The following RBFOX1 variants were observed in gnomAD, a reference collection of about 807,000 sequenced individuals.
The protein encoded by RBFOX1 is RNA binding fox-1 homolog 1.
In RBFOX1, 8 loss-of-function variants were observed where a neutral mutation model predicts 57.7. The ratio of observed to expected loss-of-function variants is 0.14; its 90% CI spans 0.08 to 0.25. The LOEUF is 0.25. Among genes scored for constraint, RBFOX1 ranks in the 10% least tolerant of loss-of-function variants. The pLI, the probability that RBFOX1 is intolerant of heterozygous loss-of-function variation, is 1.00. For synonymous variants in RBFOX1, 326 were observed against 222.4 expected (o/e 1.47, Z -4.15); for missense variants, 611 against 548.5 (o/e 1.11, Z -1.14).
intron 1 of RBFOX1, among the ~76,000 whole-genome samples, chr16:5,252,416 G>A (rs1161920670): frequency 4.6e-5 from 7 of 152,172 alleles, no homozygotes; most frequent in African/African-American, 1.7e-4. Context: ...AGTTTAACTG[G>A]CATCCTGTCT....
At chr16:5,629,359 A>G (rs181548191) in intron 3 of RBFOX1, among the ~76,000 whole-genome samples, 1 of 152,344 alleles carries the variant, frequency 6.6e-6, no homozygotes, top group Non-Finnish European at 1.5e-5. Flanking sequence ...AGACCCAGCT[A>G]TAAACCCACA....
chr16:6,883,038 G>T lies in RBFOX1; in HGVS notation c.-15-169019G>T. Among the ~76,000 whole-genome samples, 2 of 152,112 alleles carry T rather than the reference G, an allele frequency of 1.3e-5. 1 individual carries two copies. Among genetic ancestry groups the T allele is most frequent in the Non-Finnish European group, 2.9e-5 (2 of 68,034 alleles). ...TGCAGATATTCTAGATAACCCATAT[G>T]TCTCCTGACATTGCTGTATTCATAG... is the stretch of plus-strand genomic sequence containing the variant. On this transcript the variant is annotated intron_variant, in intron 3 of 15. Transcript: ENST00000550418.
At chr16:5,625,322 C>T (rs759971858) in intron 3 of RBFOX1, among the ~76,000 whole-genome samples, 1 of 151,964 alleles carries the variant, frequency 6.6e-6, no homozygotes, top group Non-Finnish European at 1.5e-5. Context: ...GGGTGGTCCC[C>T]AGCTGTCAGG....
chr16:5,623,388 C>T (rs1222495253), intron 3 of RBFOX1, among the ~76,000 whole-genome samples: 5 of 152,112 alleles, frequency 3.3e-5, no homozygotes, highest in Admixed American at 1.3e-4. Flanking sequence ...CTGCACTGAA[C>T]AAAACAAAAC....
chr16:6,857,342 G>C (rs1022060346), intron 3 of RBFOX1, among the ~76,000 whole-genome samples: 50 of 152,258 alleles, frequency 3.3e-4, no homozygotes, highest in African/African-American at 1.2e-3. Flanking sequence ...AGATGTATGG[G>C]TAGCATCTAA....
At chr16:5,645,328 G>A (rs999167230) in intron 3 of RBFOX1, among the ~76,000 whole-genome samples, 1 of 151,688 alleles carries the variant, frequency 6.6e-6, no homozygotes. Context: ...GCCACATATT[G>A]TATGATTCCA....
chr16:5,897,087 C>A (rs1357168636), intron 4 of RBFOX1, among the ~76,000 whole-genome samples: 1 of 134,162 alleles, frequency 7.5e-6, no homozygotes, highest in African/African-American at 2.9e-5. Flanking sequence ...GGACTGCGGA[C>A]TGCAGTGGCG....
chr16:7,706,145 A>G (rs1253286896), intron 14 of RBFOX1, among the ~76,000 whole-genome samples: 1 of 152,192 alleles, frequency 6.6e-6, no homozygotes, highest in African/African-American at 2.4e-5. Context: ...ATCTTCCCCA[A>G]TAACCTTGTG....
chr16:7,070,038 C>G (rs916268302), intron 4 of RBFOX1, among the ~76,000 whole-genome samples: 1 of 152,136 alleles, frequency 6.6e-6, no homozygotes, highest in African/African-American at 2.4e-5. Flanking sequence ...TCTTTTATCC[C>G]TCCTCCTCTT....
chr16:7,076,176 G>C (rs894497289), intron 4 of RBFOX1, among the ~76,000 whole-genome samples: 5 of 151,396 alleles, frequency 3.3e-5, no homozygotes, highest in African/African-American at 1.2e-4. Context: ...CGAGTACCTA[G>C]AACTACAGGT....
intron 2 of RBFOX1, among the ~76,000 whole-genome samples, chr16:6,488,421 T>C (rs953477722): frequency 6.6e-6 from 1 of 152,172 alleles, no homozygotes; most frequent in Non-Finnish European, 1.5e-5. Context: ...GCCGATTTCT[T>C]CCCGGGCACT....
intron 2 of RBFOX1, among the ~76,000 whole-genome samples, chr16:6,392,507 A>C (rs1484564579): frequency 6.6e-6 from 1 of 152,248 alleles, no homozygotes; most frequent in Admixed American, 6.5e-5. Flanking sequence ...ATTGTAAGGG[A>C]AATAAAATGT....
rs1555719389 is a variant in RBFOX1, at chr16:6,986,150, C to CTATTT, written c.-15-65906_-15-65905insATTTT. On this transcript the variant is annotated intron_variant, in intron 3 of 15. Transcript: ENST00000550418. ...AAAATGTAAGACTTGTACAATAACCCTTATATACGTCTACCAGAATCACCA... is the reference window on the plus strand; with the variant it reads ...AAAATGTAAGACTTGTACAATAACCCTATTTTTATATACGTCTACCAGAATCACCA... 6.5e-3 allele frequency among the ~76,000 whole-genome samples: 786 copies of CTATTT among 121,558 alleles called. 5 individuals are homozygous for CTATTT. The highest frequency in any genetic ancestry group is 0.02 in the African/African-American group (522 of 25,976). 79.7% of individuals were successfully genotyped at this position (121,558 alleles called of 152,430 possible).
intron 9 of RBFOX1, among the ~76,000 whole-genome samples, chr16:7,604,740 A>C (rs1364364078): frequency 6.6e-6 from 1 of 152,194 alleles, no homozygotes; most frequent in Non-Finnish European, 1.5e-5. Context: ...AAAATGAGAG[A>C]TCATTGGCAA....
At chr16:7,014,941 G>A (rs1030532248) in intron 3 of RBFOX1, among the ~76,000 whole-genome samples, 1 of 152,056 alleles carries the variant, frequency 6.6e-6, no homozygotes, top group East Asian at 1.9e-4. Flanking sequence ...GGCCAGGCTG[G>A]TCTCAAACTG....
intron 3 of RBFOX1, among the ~76,000 whole-genome samples, chr16:6,955,403 G>C (rs1489382240): frequency 6.6e-6 from 1 of 151,556 alleles, no homozygotes; most frequent in Non-Finnish European, 1.5e-5. Flanking sequence ...AAACCCCTGT[G>C]TTCTGGACTT....
chr16:6,974,348 T>C lies in RBFOX1; in HGVS notation c.-15-77709T>C, dbSNP rs868195201. ...TTTTTTTCTTTTTCTTTTTTTTTTT[T>C]TTTTTTTTTTTTTTGCGATAGAGTC... On this transcript the variant is annotated intron_variant, in intron 3 of 15. Transcript: ENST00000550418. Among the ~76,000 whole-genome samples, 217 of 140,936 alleles carry C rather than the reference T, an allele frequency of 1.5e-3. 1 individual carries two copies. The South Asian group carries it at 0.016, about 11-fold the overall frequency. 92.5% of individuals were successfully genotyped at this position (140,936 alleles called of 152,430 possible).
chr16:6,608,807 G>A (rs979705877), intron 2 of RBFOX1, among the ~76,000 whole-genome samples: 2 of 152,218 alleles, frequency 1.3e-5, no homozygotes, highest in African/African-American at 2.4e-5. Flanking sequence ...TCATCTCATA[G>A]TTGTAGAGAT....
intron 4 of RBFOX1, among the ~76,000 whole-genome samples, chr16:6,004,712 A>G (rs1293137330): frequency 6.6e-6 from 1 of 152,218 alleles, no homozygotes; most frequent in Non-Finnish European, 1.5e-5. Flanking sequence ...GGTCCTCATC[A>G]GGGTATATTG....
Sources: gnomAD v4.1 joint callset for allele counts (sites outside exome capture counted in the v4.1 genomes callset) on GRCh38, gnomAD v4.1.1 for gene constraint, MANE v1.5 for transcripts, NCBI Gene and HGNC (gene_info 2026-07-23, HGNC 2026-07-21) for gene names.